The following PFKFB1 variants were observed in gnomAD, a reference collection of about 807,000 sequenced individuals.
PFKFB1 encodes the protein 6-phosphofructo-2-kinase/fructose-2,6-biphosphatase 1, also known as 6-phosphofructo-2-kinase/fructose-2,6-bisphosphatase 1.
In PFKFB1, 34 loss-of-function variants were observed where a neutral mutation model predicts 46.4. The ratio of observed to expected loss-of-function variants is 0.73; its 90% CI spans 0.56 to 0.98. The LOEUF (loss-of-function observed/expected upper bound fraction) is 0.98, where lower values mean the gene tolerates loss of function less well. Among genes scored for constraint, PFKFB1 ranks in the 50% least tolerant of loss-of-function variants. The probability of loss-of-function intolerance (pLI) is 0.00; values close to 1 mark genes in which losing one functional copy is unlikely to be tolerated. For missense variants in PFKFB1, 393 were observed against 376.3 expected (o/e 1.04, Z -0.37); for synonymous variants, 119 against 133.8 (o/e 0.89, Z 0.76).
rs376223489 is a variant in PFKFB1 at position 54,945,429 on chromosome X, C to T, written c.1098+10G>A. ...TAGTCCTAGGCATTAGGCCACCCCG[C>T]AAACCTTACCTCTCCCTTGGGATAG... On this transcript the variant is annotated intron_variant, in intron 10 of 13. Coordinates refer to ENST00000375006, the MANE Select transcript of PFKFB1 (RefSeq NM_002625.4). The T allele has an allele frequency of 8.9e-7, 1 of 1,123,977 alleles. No homozygotes were observed. The highest frequency in any genetic ancestry group is 1.8e-5 in the African/African-American group (1 of 55,504). 92.6% of individuals were successfully genotyped at this position (1,123,977 alleles called of 1,213,427 possible).
intron 1 of PFKFB1, among the ~76,000 whole-genome samples, chrX:54,964,873 GA>G (rs1170917144): frequency 9.0e-5 from 10 of 111,205 alleles, no homozygotes; most frequent in East Asian, 2.8e-4. Flanking sequence ...AAATGGGAGA[GA>G]AAAAAACACA....
In PFKFB1 at chrX:54,951,891, G is replaced by C; in HGVS notation, c.846+14C>G. The C allele has an allele frequency of 8.5e-7, 1 of 1,176,912 alleles. No homozygotes were observed. The highest frequency in any genetic ancestry group is 1.1e-6 in the Non-Finnish European group (1 of 874,716). On this transcript the variant is annotated intron_variant, in intron 8 of 13. Transcript: ENST00000375006. The stretch of plus-strand genomic sequence containing the variant: ...GCCCAGCCAACCCATCTGGGTGTGT[G>C]TGGCCCACCCTACCTGCTTGCCGCG...
At chrX:54,972,150 G>T (rs1280755739) in intron 1 of PFKFB1, among the ~76,000 whole-genome samples, 1 of 111,084 alleles carries the variant, frequency 9.0e-6, no homozygotes, top group Non-Finnish European at 1.9e-5. Flanking sequence ...GTCTGTTATT[G>T]GTGTATAAGA....
chrX:54,948,296 C>T (rs1004782191), intron 9 of PFKFB1, among the ~76,000 whole-genome samples: 2 of 111,964 alleles, frequency 1.8e-5, no homozygotes, highest in Non-Finnish European at 3.8e-5. Flanking sequence ...GTTCAACATG[C>T]CCCCACCTCT....
intron 10 of PFKFB1, among the ~76,000 whole-genome samples, chrX:54,942,030 T>C (rs1316849472): frequency 8.9e-6 from 1 of 112,265 alleles, no homozygotes; most frequent in African/African-American, 3.2e-5. Context: ...TAAGAAAATG[T>C]GGCACATATA....
chrX:54,966,332 G>A (rs963705388), intron 1 of PFKFB1, among the ~76,000 whole-genome samples: 1 of 112,037 alleles, frequency 8.9e-6, no homozygotes, highest in Admixed American at 9.5e-5. Flanking sequence ...AGACACCAGA[G>A]TTTGAAGTAC....
In PFKFB1 at chrX:54,958,904, T is replaced by A. The variant is rs773053257; in HGVS notation, c.406A>T (p.Thr136Ser). Residue 136 changes from threonine (T) to serine (S), a missense_variant, in exon 5 of 14, where the codon ACC becomes TCC. Transcript: ENST00000375006. ...AGGATCAGTGACCGTCGTTCTCTGGTAGTGTTGGTGGCATCAAAAACCTAG... is the reference window on the plus strand; with the variant it reads ...AGGATCAGTGACCGTCGTTCTCTGGAAGTGTTGGTGGCATCAAAAACCTAG... ...HVAVFDATNT[T>S]RERRSLILQF... 2 of 1,196,727 alleles carry A rather than the reference T, an allele frequency of 1.7e-6. No homozygotes were observed. Among genetic ancestry groups the A allele is most frequent in the South Asian group, 3.6e-5 (2 of 56,309 alleles).
intron 9 of PFKFB1, among the ~76,000 whole-genome samples, chrX:54,947,319 G>T (rs1569546741): frequency 9.0e-6 from 1 of 111,357 alleles, no homozygotes; most frequent in Non-Finnish European, 1.9e-5. Flanking sequence ...TTATTCCTCT[G>T]TCTACCCTAT....
At chrX:54,967,024 C>A (rs1169805847) in intron 1 of PFKFB1, among the ~76,000 whole-genome samples, 1 of 111,402 alleles carries the variant, frequency 9.0e-6, no homozygotes, top group South Asian at 3.8e-4. Context: ...CTAGATGGTA[C>A]ACATGCAGGA....
At chrX:54,959,556 A>G (rs960395117) in intron 4 of PFKFB1, among the ~76,000 whole-genome samples, 2 of 111,903 alleles carry the variant, frequency 1.8e-5, no homozygotes, top group African/African-American at 6.5e-5. Flanking sequence ...GGGATTCTGA[A>G]GCTATGCAAC....
intron 1 of PFKFB1, among the ~76,000 whole-genome samples, chrX:54,977,243 A>T (rs781664850): frequency 9.0e-6 from 1 of 110,944 alleles, no homozygotes; most frequent in East Asian, 2.8e-4. Flanking sequence ...GAGAAAGAAA[A>T]CCTGAAATAA....
chrX:54,997,771 C>T (rs762302310), upstream of PFKFB1, among the ~76,000 whole-genome samples: 1 of 112,115 alleles, frequency 8.9e-6, no homozygotes, highest in East Asian at 2.8e-4. Context: ...CGGCCTCATG[C>T]CTGGGCCCCA....
At position 54,933,275 on chromosome X, in the gene PFKFB1, G is replaced by A. The variant is rs1406921746; in HGVS notation, c.*128C>T. 4.3e-5 allele frequency: 23 copies of A among 532,556 alleles called. No homozygotes were observed. The highest frequency in any genetic ancestry group is 2.9e-4 in the East Asian group (8 of 28,068). The allele number at this position is 532,556 out of a possible 1,213,427, so 43.9% of individuals were successfully genotyped here. Reference sequence around the variant, plus strand: ...CAAGCGAGGCTTGTTTGGGAGTTGCGGAGGACTTCTTCACTGGAAGTGGGG... The same window carrying A: ...CAAGCGAGGCTTGTTTGGGAGTTGCAGAGGACTTCTTCACTGGAAGTGGGG... On this transcript the variant is annotated 3_prime_UTR_variant, in exon 14 of 14. Transcript: ENST00000375006.
At chrX:54,992,959 T>C (rs1319222716) in intron 1 of PFKFB1, among the ~76,000 whole-genome samples, 1 of 111,503 alleles carries the variant, frequency 9.0e-6, no homozygotes, top group Non-Finnish European at 1.9e-5. Flanking sequence ...TAACATCCTA[T>C]ATGCTCCTAG....
chrX:54,933,520 T>G, intron 13 of PFKFB1, 58 bp from the exon 14 acceptor site: 1 of 919,775 alleles, frequency 1.1e-6, no homozygotes, highest in Non-Finnish European at 1.6e-6. Context: ...CCCCAACCTC[T>G]CCCCTGCCTC....
intron 4 of PFKFB1, 63 bp from the exon 5 acceptor site, chrX:54,958,988 G>C: frequency 2.8e-6 from 2 of 711,903 alleles, no homozygotes; most frequent in Non-Finnish European, 4.5e-6. Context: ...CCTACTCTTT[G>C]CCCATCCCTG....
chrX:54,994,420 T>C, upstream of PFKFB1: 2 of 753,891 alleles, frequency 2.7e-6, no homozygotes, highest in Non-Finnish European at 3.1e-6. Context: ...AAAGATCATG[T>C]GCTTACAGCC....
chrX:54,965,751 A>G (rs1359516534), intron 1 of PFKFB1, among the ~76,000 whole-genome samples: 1 of 111,833 alleles, frequency 8.9e-6, no homozygotes, highest in Non-Finnish European at 1.9e-5. Flanking sequence ...TGTAAAAAAA[A>G]TAATGGAATA....
At chrX:54,998,337 T>C (rs1935385751), upstream of PFKFB1, 1 of 985,237 alleles carries the variant, frequency 1.0e-6, no homozygotes, top group African/African-American at 1.9e-5. Context: ...AAGAAAACTT[T>C]CCAGAGGGCC....
Sources: allele counts gnomAD v4.1 joint callset (sites outside exome capture counted in the v4.1 genomes callset), GRCh38; gene constraint gnomAD v4.1.1; transcripts MANE v1.5; gene names NCBI Gene and HGNC (gene_info 2026-07-23, HGNC 2026-07-21).